TENM1: variants seen among roughly 807,000 people sequenced by gnomAD.
The protein encoded by TENM1 is teneurin transmembrane protein 1, also known as teneurin-1.
TENM1 carries 35 observed loss-of-function variants against 174.8 expected under a neutral mutation model. That is an observed-to-expected ratio of 0.20 (90% CI 0.15 to 0.27). The LOEUF is 0.27. Ranked by LOEUF, TENM1 falls within the 10% of genes least tolerant of loss-of-function variation. The pLI is 1.00. For synonymous variants in TENM1, 781 were observed against 798.7 expected (o/e 0.98, Z 0.37); for missense variants, 1,633 against 2,130.1 (o/e 0.77, Z 4.59).
At chrX:124,517,161 G>A (rs1470390777) in intron 18 of TENM1, among the ~76,000 whole-genome samples, 2 of 110,716 alleles carry the variant, frequency 1.8e-5, no homozygotes, top group African/African-American at 3.3e-5. Flanking sequence ...GGTGGAGGCT[G>A]GGAGGAGGGA....
chrX:124,781,038 T>A (rs2054895995), intron 3 of TENM1, among the ~76,000 whole-genome samples: 1 of 112,006 alleles, frequency 8.9e-6, no homozygotes, highest in Non-Finnish European at 1.9e-5. Flanking sequence ...GACCATTCTA[T>A]CATACCACTT....
intron 1 of TENM1, among the ~76,000 whole-genome samples, chrX:124,933,469 A>T (rs991961852): frequency 8.9e-6 from 1 of 112,333 alleles, no homozygotes; most frequent in African/African-American, 3.2e-5. Flanking sequence ...CTTACAGACA[A>T]TTTTTAATGC....
the TENM1 span, among the ~76,000 whole-genome samples, chrX:125,188,213 G>C: frequency 9.0e-6 from 1 of 110,603 alleles, no homozygotes; most frequent in African/African-American, 3.3e-5. Context: ...TGTGCCTGTA[G>C]TCTCTGCTAC....
At chrX:124,514,652 C>T (rs2047657385) in intron 18 of TENM1, among the ~76,000 whole-genome samples, 1 of 110,678 alleles carries the variant, frequency 9.0e-6, no homozygotes, top group Non-Finnish European at 1.9e-5. Flanking sequence ...CTGAACAGAC[C>T]AATAATGAGC....
At chrX:124,614,023 C>T (rs989239770) in intron 11 of TENM1, among the ~76,000 whole-genome samples, 2 of 111,358 alleles carry the variant, frequency 1.8e-5, no homozygotes, top group African/African-American at 6.5e-5. Flanking sequence ...ACTATGTTGC[C>T]GATATATGCG....
At chrX:124,568,116 T>C (rs1176409429) in intron 11 of TENM1, among the ~76,000 whole-genome samples, 1 of 111,906 alleles carries the variant, frequency 8.9e-6, no homozygotes, top group East Asian at 2.8e-4. Flanking sequence ...ATTTTTTAAA[T>C]TGCATGTCTT....
the TENM1 span, among the ~76,000 whole-genome samples, chrX:125,087,676 C>G: frequency 3.6e-5 from 4 of 111,127 alleles, no homozygotes; most frequent in Non-Finnish European, 7.6e-5. Flanking sequence ...CACTAAAACC[C>G]TACATTGCTG....
At chrX:124,800,055 G>C (rs182754135) in intron 3 of TENM1, among the ~76,000 whole-genome samples, 2 of 111,855 alleles carry the variant, frequency 1.8e-5, no homozygotes, top group Admixed American at 1.9e-4. Flanking sequence ...ATATTGGTCT[G>C]AAGTTTTCTT....
chrX:124,463,836 GGTGTGTGTGTGTGTGTGTGTGTGT>G (rs61128914), intron 22 of TENM1, among the ~76,000 whole-genome samples: 2 of 90,944 alleles, frequency 2.2e-5, no homozygotes, highest in African/African-American at 8.2e-5. Context: ...TAGAGGTTGG[GGTGTGTGTGTGTGTGTGTGTGTGT>G]GTGTGTGTGT....
intron 3 of TENM1, among the ~76,000 whole-genome samples, chrX:124,869,330 T>C (rs977170200): frequency 9.0e-6 from 1 of 111,480 alleles, no homozygotes; most frequent in Non-Finnish European, 1.9e-5. Context: ...GAAAAGGGAA[T>C]ACTTGCACAC....
At chrX:125,180,362 C>G in the TENM1 span, among the ~76,000 whole-genome samples, 1,449 of 100,576 alleles carry the variant, frequency 0.014, 19 homozygotes, top group Middle Eastern at 0.036. Flanking sequence ...AGCCACCGTG[C>G]TTGGCTGAGT....
intron 3 of TENM1, among the ~76,000 whole-genome samples, chrX:124,813,325 G>A (rs1355181817): frequency 9.0e-6 from 1 of 111,671 alleles, no homozygotes; most frequent in Non-Finnish European, 1.9e-5. Flanking sequence ...GAAGAAACAA[G>A]TACTCTCACA....
intron 5 of TENM1, among the ~76,000 whole-genome samples, chrX:124,696,370 C>CCAGTGAA (rs1301600519): frequency 5.4e-5 from 6 of 111,819 alleles, no homozygotes; most frequent in African/African-American, 1.9e-4. Context: ...GGTACAAAAA[C>CCAGTGAA]CAGTGAACTA....
At chrX:124,887,633 A>T (rs1234606855) in intron 3 of TENM1, among the ~76,000 whole-genome samples, 3 of 111,595 alleles carry the variant, frequency 2.7e-5, no homozygotes, top group Non-Finnish European at 5.7e-5. Flanking sequence ...CAGTATCATC[A>T]AAGTGGTTTT....
intron 6 of TENM1, among the ~76,000 whole-genome samples, chrX:124,658,418 T>C (rs1197539815): frequency 8.9e-6 from 1 of 111,928 alleles, no homozygotes; most frequent in East Asian, 2.8e-4. Flanking sequence ...TTTTTGTTGA[T>C]AGTAATTTTG....
intron 5 of TENM1, 49 bp downstream of exon 8, chrX:124,704,964 A>T (rs1220420292): frequency 9.6e-7 from 1 of 1,046,912 alleles, no homozygotes; most frequent in African/African-American, 1.9e-5. Flanking sequence ...CACAAGCAAA[A>T]CAAGACTTTG....
chrX:124,678,143 T>A (rs749278910), intron 5 of TENM1, among the ~76,000 whole-genome samples: 56 of 110,696 alleles, frequency 5.1e-4, no homozygotes, highest in Non-Finnish European at 9.5e-4. Context: ...CCATGGCAGG[T>A]GTATTTACAT....
intron 22 of TENM1, among the ~76,000 whole-genome samples, chrX:124,471,403 A>G (rs62651881): frequency 2.8e-5 from 1 of 35,199 alleles, no homozygotes; most frequent in Non-Finnish European, 4.6e-5. Flanking sequence ...TATAATATAT[A>G]TTATAATATA....
intron 27 of TENM1, among the ~76,000 whole-genome samples, chrX:124,402,408 C>CA (rs1227021151): frequency 7.2e-5 from 8 of 111,806 alleles, no homozygotes; most frequent in Non-Finnish European, 1.1e-4. Context: ...GTCCAGTCCG[C>CA]AAATCTGCTC....
Sources: gnomAD v4.1 joint callset for allele counts (sites outside exome capture counted in the v4.1 genomes callset) on GRCh38, gnomAD v4.1.1 for gene constraint, MANE v1.5 for transcripts, NCBI Gene and HGNC (gene_info 2026-07-23, HGNC 2026-07-21) for gene names.